The following NDUFAF1 variants were observed in gnomAD, a reference collection of about 807,000 sequenced individuals.
The protein encoded by NDUFAF1 is complex I intermediate-associated protein 30, mitochondrial.
In NDUFAF1, 18 loss-of-function variants were observed where a neutral mutation model predicts 28.7. The observed-to-expected ratio is 0.63, with a 90% CI of 0.43 to 0.93. The LOEUF is 0.93. NDUFAF1 is among the 40% of genes least tolerant of loss of function. The probability of loss-of-function intolerance (pLI) is 0.00; values close to 1 mark genes in which losing one functional copy is unlikely to be tolerated. For missense variants in NDUFAF1, 404 were observed against 398.3 expected (o/e 1.01, Z -0.12); for synonymous variants, 113 against 139.7 (o/e 0.81, Z 1.35).
In NDUFAF1 at chr15:41,397,656, G is replaced by A. The variant is rs550077263; in HGVS notation, c.-81-516C>T. Among the ~76,000 whole-genome samples, 12 of 151,860 alleles carry A rather than the reference G, an allele frequency of 7.9e-5. No homozygotes were observed. The South Asian group carries it at 8.3e-4, about 10-fold the overall frequency. ...CTACTAAAAATACAAAAAATTAGCC[G>A]GGTGTGGTGGCGGGCGCCTGTAGTC... On this transcript the variant is annotated intron_variant, in intron 1 of 4. Coordinates refer to ENST00000260361, the MANE Select transcript of NDUFAF1 (RefSeq NM_016013.4).
intron 1 of NDUFAF1, among the ~76,000 whole-genome samples, chr15:41,399,390 A>G (rs1413343132): frequency 1.4e-5 from 2 of 147,192 alleles, no homozygotes; most frequent in Non-Finnish European, 3.0e-5. Context: ...AGTGACTCCA[A>G]CTAAAAAAAA....
chr15:41,392,197 TGAG>T (rs1343871715), intron 3 of NDUFAF1, among the ~76,000 whole-genome samples: 1 of 151,340 alleles, frequency 6.6e-6, no homozygotes, highest in Non-Finnish European at 1.5e-5. Flanking sequence ...CTCAGCCTCC[TGAG>T]GAGCTGGGAC....
chr15:41,397,704 CAGG>C (rs1373383821), intron 1 of NDUFAF1, among the ~76,000 whole-genome samples: 2 of 149,562 alleles, frequency 1.3e-5, no homozygotes, highest in African/African-American at 5.0e-5. Flanking sequence ...GAGGCTGAAG[CAGG>C]AGAATAGCGT....
intron 3 of NDUFAF1, among the ~76,000 whole-genome samples, 181 bp from the exon 4 acceptor site, chr15:41,388,703 T>C (rs2050280983): frequency 6.6e-6 from 1 of 151,280 alleles, no homozygotes; most frequent in South Asian, 2.1e-4. Flanking sequence ...GGGTTAACTA[T>C]GAAAAAAATA....
At chr15:41,392,517 G>A (rs1460319141) in intron 3 of NDUFAF1, among the ~76,000 whole-genome samples, 2 of 152,182 alleles carry the variant, frequency 1.3e-5, no homozygotes, top group Admixed American at 1.3e-4. Context: ...AACCATGGGT[G>A]TGGTTTCCCC....
rs768132279 is a variant in NDUFAF1 at position 41,388,487 on chromosome 15, T to G, written c.795A>C (p.Gly265=). 6.2e-7 allele frequency: 1 copy of G among 1,613,288 alleles called. No individual in the cohort carries two copies. The highest frequency in any genetic ancestry group is 8.5e-7 in the Non-Finnish European group (1 of 1,179,282). ...PFSKFFFSNR[G]RIRDVQHELP... Reference sequence around the variant, plus strand: ...GCTCATGCTGAACATCCCGGATTCTTCCTCGATTAGAGAAGAAAAATTTGG... The same window carrying G: ...GCTCATGCTGAACATCCCGGATTCTGCCTCGATTAGAGAAGAAAAATTTGG... The change falls in exon 4 of 5, where the codon GGA becomes GGC. Residue 265 remains glycine (G), a synonymous_variant. Coordinates refer to ENST00000260361, the MANE Select transcript of NDUFAF1 (RefSeq NM_016013.4).
At chr15:41,392,581 G>C (rs938340278) in intron 3 of NDUFAF1, among the ~76,000 whole-genome samples, 3 of 152,056 alleles carry the variant, frequency 2.0e-5, no homozygotes, top group African/African-American at 7.2e-5. Context: ...TTTATAAGGA[G>C]ATTACCCCTT....
At chr15:41,394,802 G>C in intron 3 of NDUFAF1, 57 bp downstream of exon 3, 1 of 1,585,280 alleles carries the variant, frequency 6.3e-7, no homozygotes, top group Non-Finnish European at 8.7e-7. Flanking sequence ...ATAGGCGTGA[G>C]CCACCTCACC....
chr15:41,397,190 C>A, intron 1 of NDUFAF1, 50 bp from the exon 2 acceptor site: 1 of 692,200 alleles, frequency 1.4e-6, no homozygotes. Context: ...ATGAATGCAT[C>A]ACAATTTCAA....
intron 3 of NDUFAF1, among the ~76,000 whole-genome samples, chr15:41,389,934 G>A (rs972309085): frequency 3.3e-5 from 5 of 152,018 alleles, no homozygotes; most frequent in African/African-American, 1.2e-4. Context: ...AAATCTACAT[G>A]TACATAATGA....
In NDUFAF1 at chr15:41,388,480, G is replaced by A. The variant is rs369357784; in HGVS notation, c.802C>T (p.Arg268Trp). ...KFFFSNRGRI[R>W]DVQHELPLDK... The stretch of plus-strand genomic sequence containing the variant: ...AGCGGAAGCTCATGCTGAACATCCC[G>A]GATTCTTCCTCGATTAGAGAAGAAA... Residue 268 changes from arginine (R) to tryptophan (W), a missense_variant, in exon 4 of 5, where the codon CGG (arginine) becomes TGG (tryptophan). Transcript: ENST00000260361. 35 of 1,613,008 alleles carry A rather than the reference G, an allele frequency of 2.2e-5. No individual in the cohort carries two copies. Among genetic ancestry groups the A allele is most frequent in the South Asian group, 5.5e-5 (5 of 91,052 alleles).
rs2050287598 is a variant in NDUFAF1, at chr15:41,389,096, G to T, written c.760-574C>A. On this transcript the variant is annotated intron_variant, in intron 3 of 4. Coordinates refer to ENST00000260361, the MANE Select transcript of NDUFAF1 (RefSeq NM_016013.4). ...ATCTGGCTTTAATTGTTTGTGTTTTGTTTTGAGATAGGGTCTCACTCTGTT... is the reference window on the plus strand; with the variant it reads ...ATCTGGCTTTAATTGTTTGTGTTTTTTTTTGAGATAGGGTCTCACTCTGTT... Among the ~76,000 whole-genome samples the T allele has an allele frequency of 2.0e-5, 3 of 151,544 alleles. No homozygotes were observed. In the Admixed American group the frequency reaches 2.0e-4, roughly 10 times the overall value.
In NDUFAF1 at chr15:41,396,894, C is replaced by T; in HGVS notation, c.166G>A (p.Glu56Lys). 3 of 1,614,184 alleles carry T rather than the reference C, an allele frequency of 1.9e-6. No individual in the cohort carries two copies. The highest frequency in any genetic ancestry group is 2.5e-6 in the Non-Finnish European group (3 of 1,180,042). ...PGKASSQRKT[E>K]GDLQGDHQKE... ...TGGTGATCTCCTTGCAAATCCCCTT[C>T]AGTCTTCCTCTGTGAGGAGGCTTTG... The change falls in exon 2 of 5, where the codon GAA becomes AAA. Residue 56 changes from glutamate to lysine, a missense_variant. Glu to Lys is a moderately conservative substitution (Grantham distance 56). Transcript: ENST00000260361.
At chr15:41,395,582 G>A (rs1182032708) in intron 2 of NDUFAF1, among the ~76,000 whole-genome samples, 1 of 151,062 alleles carries the variant, frequency 6.6e-6, no homozygotes, top group Non-Finnish European at 1.5e-5. Context: ...GTGTTAGCCA[G>A]GATGGTCTCG....
chr15:41,393,078 C>A (rs1595633025), intron 3 of NDUFAF1, among the ~76,000 whole-genome samples: 1 of 151,544 alleles, frequency 6.6e-6, no homozygotes, highest in Non-Finnish European at 1.5e-5. Context: ...TCAGGATGAC[C>A]CTCAAGTATA....
At chr15:41,387,699 T>C (rs1297749033) in intron 4 of NDUFAF1, 106 bp from the exon 5 acceptor site, 25 of 912,832 alleles carry the variant, frequency 2.7e-5, no homozygotes, top group Admixed American at 1.2e-4. Flanking sequence ...TGGGTTTTAA[T>C]GCTATCAGCC....
intron 1 of NDUFAF1, among the ~76,000 whole-genome samples, chr15:41,400,364 C>T (rs1301175956): frequency 5.5e-5 from 7 of 128,356 alleles, no homozygotes; most frequent in African/African-American, 1.8e-4. Context: ...AGCAAAATTC[C>T]ATCTCAAAAA....
chr15:41,388,593 A>G (rs2050279695), intron 3 of NDUFAF1, 71 bp from the exon 4 acceptor site: 9 of 983,620 alleles, frequency 9.1e-6, no homozygotes, highest in South Asian at 1.3e-5. Flanking sequence ...AATTGTAACG[A>G]TAAAATGAGT....
chr15:41,402,497 A>G, upstream of NDUFAF1: 1 of 349,888 alleles, frequency 2.9e-6, no homozygotes, highest in South Asian at 2.1e-5. Context: ...TTACCCGTAT[A>G]GGTCCATCTG....
Sources: allele counts gnomAD v4.1 joint callset (sites outside exome capture counted in the v4.1 genomes callset), GRCh38; gene constraint gnomAD v4.1.1; transcripts MANE v1.5; gene names NCBI Gene and HGNC (gene_info 2026-07-23, HGNC 2026-07-21).